The following PDCD11 variants were observed in gnomAD, a reference collection of about 807,000 sequenced individuals.
PDCD11 encodes the protein programmed cell death 11.
PDCD11 carries 97 observed loss-of-function variants against 198.9 expected under a neutral mutation model. The observed-to-expected ratio is 0.49, with a 90% CI of 0.41 to 0.58. The LOEUF is 0.58. Ranked by LOEUF, PDCD11 falls within the 20% of genes least tolerant of loss-of-function variation. The pLI, the probability that PDCD11 is intolerant of heterozygous loss-of-function variation, is 0.00. For synonymous variants in PDCD11, 893 were observed against 918.0 expected (o/e 0.97, Z 0.49); for missense variants, 2,102 against 2,312.7 (o/e 0.91, Z 1.87).
rs763921456 is a variant in PDCD11, at chr10:103,445,484, G to A, written c.5551G>A (p.Val1851Met). The change falls in exon 36 of 36, where the codon GTG (valine) becomes ATG (methionine). Residue 1851 changes from valine to methionine, a missense_variant. By Grantham distance (21) the Val-to-Met change is conservative. Transcript: ENST00000369797. ...GAAGCAGCATGGCACTGAGAAGGAT[G>A]TGCAGGCAGTCAAGGCCAAGGCCCT... is the stretch of plus-strand genomic sequence containing the variant. ...YEKQHGTEKD[V>M]QAVKAKALEY... 13 of 1,614,074 alleles carry A rather than the reference G, an allele frequency of 8.1e-6. No individual in the cohort carries two copies. The South Asian group carries it at 1.3e-4, about 16-fold the overall frequency.
intron 11 of PDCD11, 49 bp from the exon 12 acceptor site, chr10:103,414,956 G>A: frequency 6.2e-7 from 1 of 1,604,894 alleles, no homozygotes; most frequent in Non-Finnish European, 8.5e-7. Flanking sequence ...AGAGGTGGGG[G>A]AAAGGCCATT....
rs2032056113 is a variant in PDCD11, at chr10:103,434,287, G to A, written c.3604G>A (p.Ala1202Thr). The change falls in exon 24 of 36, where the codon GCC becomes ACC. Residue 1202 changes from alanine (A) to threonine (T), a missense_variant. By Grantham distance (58) the Ala-to-Thr change is moderately conservative (BLOSUM62 0). Transcript: ENST00000369797. Reference sequence around the variant, plus strand: ...AGATAAGAAGTTCCGGGTTGGCCAGGCCCTGAGGGCCACCGTTGTTGGCCC... The same window carrying A: ...AGATAAGAAGTTCCGGGTTGGCCAGACCCTGAGGGCCACCGTTGTTGGCCC... ...HPDKKFRVGQ[A>T]LRATVVGPDS... 1.2e-6 allele frequency: 2 copies of A among 1,613,820 alleles called. No individual in the cohort carries two copies. The highest frequency in any genetic ancestry group is 1.3e-5 in the African/African-American group (1 of 74,928).
intron 7 of PDCD11, among the ~76,000 whole-genome samples, chr10:103,407,183 A>G (rs1221627354): frequency 6.6e-6 from 1 of 152,190 alleles, no homozygotes; most frequent in Admixed American, 6.5e-5. Context: ...ATTTCTCTCC[A>G]TATTTTTGAG....
Position 103,417,707 on chromosome 10 carries a change from C to G in PDCD11, c.1771-85C>G. 38 of 1,431,322 alleles carry G rather than the reference C, an allele frequency of 2.7e-5. No individual in the cohort carries two copies. The East Asian group carries it at 5.7e-4, about 21-fold the overall frequency. 88.7% of individuals were successfully genotyped at this position (1,431,322 alleles called of 1,614,324 possible). On this transcript the variant is annotated intron_variant, in intron 13 of 35. Coordinates refer to ENST00000369797, the MANE Select transcript of PDCD11 (RefSeq NM_014976.2). ...AAAGGCTCGGTAGATCTCCCAAGTC[C>G]TCTGCAGCAGTAGTGGAGGGCACGT...
rs751023504 is a variant in PDCD11, at chr10:103,416,714, A to T, written c.1742A>T (p.Asp581Val). The T allele has an allele frequency of 6.2e-7, 1 of 1,614,042 alleles. No individual in the cohort carries two copies. Among genetic ancestry groups the T allele is most frequent in the East Asian group, 2.2e-5 (1 of 44,884 alleles). ...KHELSTEYIP[D>V]PERVFYTGQV... is the part of the protein sequence containing the mutation. The stretch of plus-strand genomic sequence containing the variant: ...GAGCTCAGTACTGAGTATATCCCTG[A>T]CCCGGAGAGAGTTTTTTACACTGGC... The change falls in exon 13 of 36, where the codon GAC (aspartate) becomes GTC (valine). Residue 581 changes from aspartate to valine, a missense_variant. Physicochemically the swap from Asp to Val is radical, Grantham distance 152. Coordinates refer to ENST00000369797, the MANE Select transcript of PDCD11 (RefSeq NM_014976.2).
chr10:103,438,393 T>G (rs1204532890), intron 26 of PDCD11, among the ~76,000 whole-genome samples: 1 of 152,188 alleles, frequency 6.6e-6, no homozygotes, highest in Non-Finnish European at 1.5e-5. Flanking sequence ...TGGAGTTGGC[T>G]TGAGGTCAGC....
At position 103,398,402 on chromosome 10, in the gene PDCD11, T is replaced by C; in HGVS notation, c.-11-14T>C. 2 of 1,477,420 alleles carry C rather than the reference T, an allele frequency of 1.4e-6. No individual in the cohort carries two copies. Among genetic ancestry groups the C allele is most frequent in the Non-Finnish European group, 1.9e-6 (2 of 1,055,422 alleles). The allele number at this position is 1,477,420 out of a possible 1,614,324, so 91.5% of individuals were successfully genotyped here. On this transcript the variant is annotated splice_polypyrimidine_tract_variant and intron_variant, in intron 1 of 35. Coordinates refer to ENST00000369797, the MANE Select transcript of PDCD11 (RefSeq NM_014976.2). ...AAGACAACATGTCACCATTATCCTT[T>C]GCATTGTTTTTAGGAGACCCAAACA... is the stretch of plus-strand genomic sequence containing the variant.
chr10:103,410,278 T>G (rs567138824), intron 8 of PDCD11, among the ~76,000 whole-genome samples: 1 of 151,806 alleles, frequency 6.6e-6, no homozygotes, highest in South Asian at 2.1e-4. Flanking sequence ...TAAGAAACTC[T>G]CAGTGGCTGA....
At chr10:103,426,807 T>C (rs1249391078) in intron 20 of PDCD11, among the ~76,000 whole-genome samples, 1 of 146,884 alleles carries the variant, frequency 6.8e-6, no homozygotes, top group Non-Finnish European at 1.5e-5. Context: ...AAAAATCAGG[T>C]GAGGCTGGGT....
At position 103,415,026 on chromosome 10, in the gene PDCD11, T is replaced by C. The variant is rs1306097404; in HGVS notation, c.1393T>C (p.Ser465Pro). Residue 465 changes from serine to proline, a missense_variant, in exon 12 of 36, where the codon TCA (serine) becomes CCA (proline). By Grantham distance (74) the Ser-to-Pro change is moderately conservative. Coordinates refer to ENST00000369797, the MANE Select transcript of PDCD11 (RefSeq NM_014976.2). ...CTAGGGCACAGTGCTAACCATAAAG[T>C]CATATGGGATGCTGGTGAAGGTGGG... ...VVKGTVLTIKSYGMLVKVGEQ... is the reference protein window; with the variant it reads ...VVKGTVLTIKPYGMLVKVGEQ... The C allele has an allele frequency of 6.2e-7, 1 of 1,614,050 alleles. No homozygotes were observed. Among genetic ancestry groups the C allele is most frequent in the East Asian group, 2.2e-5 (1 of 44,874 alleles).
rs78593811 is a variant in PDCD11, at chr10:103,436,505, A to G, written c.3846-1510A>G. The stretch of plus-strand genomic sequence containing the variant: ...ATGCCCTTGGAGGCAGAGACTGGAA[A>G]ATAGTAACTGCCCTCTCCTGTCTCA... On this transcript the variant is annotated intron_variant, in intron 25 of 35. Transcript: ENST00000369797. Among the ~76,000 whole-genome samples the G allele has an allele frequency of 2.9e-4, 44 of 152,306 alleles. 2 individuals carry two copies. The East Asian group carries it at 8.5e-3, about 29-fold the overall frequency.
Position 103,398,397 on chromosome 10 carries a change from T to C in PDCD11, c.-11-19T>C. The C allele has an allele frequency of 7.0e-7, 1 of 1,420,570 alleles. No homozygotes were observed. 88.0% of individuals were successfully genotyped at this position (1,420,570 alleles called of 1,614,324 possible). On this transcript the variant is annotated intron_variant, in intron 1 of 35. Transcript: ENST00000369797. The stretch of plus-strand genomic sequence containing the variant: ...CTACCAAGACAACATGTCACCATTA[T>C]CCTTTGCATTGTTTTTAGGAGACCC...
chr10:103,443,789 T>C, intron 33 of PDCD11, 126 bp from the exon 34 acceptor site: 1 of 933,024 alleles, frequency 1.1e-6, no homozygotes, highest in African/African-American at 1.6e-5. Context: ...GTCTCTAGCA[T>C]TAGGCCCTGA....
intron 25 of PDCD11, among the ~76,000 whole-genome samples, chr10:103,435,235 A>C (rs1169208701): frequency 1.3e-5 from 2 of 151,764 alleles, no homozygotes; most frequent in African/African-American, 4.8e-5. Flanking sequence ...TTTTTTTCTC[A>C]TAGTTTATCA....
At chr10:103,408,138 T>C (rs1285212843) in intron 7 of PDCD11, among the ~76,000 whole-genome samples, 2 of 152,200 alleles carry the variant, frequency 1.3e-5, no homozygotes, top group African/African-American at 4.8e-5. Context: ...TTTCCACTTA[T>C]TACAATTCTG....
At chr10:103,444,126 A>G (rs1400889251) in intron 34 of PDCD11, 58 bp downstream of exon 34, 1 of 1,482,290 alleles carries the variant, frequency 6.7e-7, no homozygotes, top group African/African-American at 1.4e-5. Context: ...GGGAGTAGGA[A>G]CTGGCTGTGG....
intron 4 of PDCD11, 75 bp downstream of exon 4, chr10:103,403,360 A>G: frequency 7.1e-7 from 1 of 1,407,586 alleles, no homozygotes; most frequent in Non-Finnish European, 9.8e-7. Context: ...CAACTTTGCC[A>G]GGTGCTAAGA....
chr10:103,423,430 C>A, intron 18 of PDCD11, 113 bp from the exon 19 acceptor site: 1 of 801,246 alleles, frequency 1.2e-6, no homozygotes. Context: ...GGACCCAGGA[C>A]ATGTGTCCTC....
At chr10:103,412,916 A>T (rs561007492) in intron 8 of PDCD11, among the ~76,000 whole-genome samples, 200 bp from the exon 9 acceptor site, 5 of 152,342 alleles carry the variant, frequency 3.3e-5, no homozygotes, top group African/African-American at 4.8e-5. Context: ...GCTTTGATTT[A>T]GTCATACATA....
Sources: allele counts gnomAD v4.1 joint callset (sites outside exome capture counted in the v4.1 genomes callset), GRCh38; gene constraint gnomAD v4.1.1; transcripts MANE v1.5; gene names NCBI Gene and HGNC (gene_info 2026-07-23, HGNC 2026-07-21).